MFHAS1: variants seen among roughly 807,000 people sequenced by gnomAD.
MFHAS1 encodes the protein multifunctional ROCO family signaling regulator 1, also known as malignant fibrous histiocytoma-amplified sequence 1.
A neutral mutation model predicts 70.4 loss-of-function variants in MFHAS1; 50 were observed. The ratio of observed to expected loss-of-function variants is 0.71; its 90% CI spans 0.57 to 0.90. The LOEUF is 0.90. Among genes scored for constraint, MFHAS1 ranks in the 40% least tolerant of loss-of-function variants. MFHAS1 has a pLI of 0.00. For synonymous variants in MFHAS1, 952 were observed against 620.0 expected, an observed-to-expected ratio of 1.54 and a Z score of -7.96; for missense variants, 1,795 against 1,347.6, an observed-to-expected ratio of 1.33 and a Z score of -5.20.
chr8:8,880,283 C>T (rs1809467570), intron 1 of MFHAS1, among the ~76,000 whole-genome samples: 1 of 152,224 alleles, frequency 6.6e-6, no homozygotes, highest in Admixed American at 6.5e-5. Flanking sequence ...GGAAGAATGA[C>T]ACCAATGTAT....
At chr8:8,835,318 A>G (rs560489950) in intron 1 of MFHAS1, among the ~76,000 whole-genome samples, 1 of 152,324 alleles carries the variant, frequency 6.6e-6, no homozygotes, top group Admixed American at 6.5e-5. Flanking sequence ...TAGAAATTAA[A>G]TACTGCAAGA....
At chr8:8,827,051 C>T (rs1365207508) in intron 1 of MFHAS1, among the ~76,000 whole-genome samples, 3 of 152,100 alleles carry the variant, frequency 2.0e-5, no homozygotes, top group East Asian at 1.9e-4. Flanking sequence ...ACTGATATCC[C>T]GTATATCTTT....
Position 8,892,344 on chromosome 8 carries a change from G to A in MFHAS1, c.715C>T (p.Leu239Phe). ...CAGAAGCCGGCGGGCAGCGTGCCAA[G>A]CTCGGCCCCACTCAGCCAGAGGATC... ...LKILWLSGAE[L>F]GTLPAGFCEL... is the part of the protein sequence containing the mutation. The change falls in exon 1 of 3, where the codon CTT (leucine) becomes TTT (phenylalanine). Residue 239 changes from leucine to phenylalanine, a missense_variant. Leu to Phe is a conservative substitution (Grantham distance 22, BLOSUM62 0). Coordinates refer to ENST00000276282, the MANE Select transcript of MFHAS1 (RefSeq NM_004225.3). This position sits in a 1 kb window ranked among gnomAD's most constrained non-coding sequence, Gnocchi z 4.7. 1 of 1,612,120 alleles carries A rather than the reference G, an allele frequency of 6.2e-7. No homozygotes were observed. The highest frequency in any genetic ancestry group is 1.3e-5 in the African/African-American group (1 of 75,042).
intron 1 of MFHAS1, among the ~76,000 whole-genome samples, chr8:8,876,658 T>G (rs1357171407): frequency 1.3e-5 from 2 of 151,884 alleles, no homozygotes; most frequent in East Asian, 3.9e-4. Context: ...ATTACAGGTG[T>G]GAGCCACCAC....
At position 8,892,290 on chromosome 8, in the gene MFHAS1, G is replaced by C; in HGVS notation, c.769C>G (p.Leu257Val). ...AGAGCCTGCAGCCCGTTGTTGTCTA[G>C]CATGAGGCTCTCCAAACTGGCCAGC... ...CELASLESLMLDNNGLQALPA... is the reference protein window; with the variant it reads ...CELASLESLMVDNNGLQALPA... The change falls in exon 1 of 3, where the codon CTA (leucine) becomes GTA (valine). Residue 257 changes from leucine to valine, a missense_variant. By Grantham distance (32) the Leu-to-Val change is conservative (BLOSUM62 1). Transcript: ENST00000276282. This position sits in a 1 kb window ranked among gnomAD's most constrained non-coding sequence, Gnocchi z 4.7. 1 of 1,612,654 alleles carries C rather than the reference G, an allele frequency of 6.2e-7. No individual in the cohort carries two copies. Among genetic ancestry groups the C allele is most frequent in the Non-Finnish European group, 8.5e-7 (1 of 1,180,030 alleles).
chr8:8,820,832 T>A (rs1242401991), intron 1 of MFHAS1, among the ~76,000 whole-genome samples: 1 of 152,248 alleles, frequency 6.6e-6, no homozygotes. Context: ...GCCAAAGCTG[T>A]GCTGCCATTT....
chr8:8,883,706 T>TAAAAAAA (rs1563219802), intron 1 of MFHAS1, among the ~76,000 whole-genome samples: 2 of 35,708 alleles, frequency 5.6e-5, no homozygotes, highest in Admixed American at 4.1e-4. Context: ...AGACTCAGTC[T>TAAAAAAA]CAAAAAAAAA....
chr8:8,850,001 C>G (rs1031468146), intron 1 of MFHAS1, among the ~76,000 whole-genome samples: 3 of 152,224 alleles, frequency 2.0e-5, no homozygotes, highest in Admixed American at 1.3e-4. Context: ...AATGAAGCCT[C>G]AGAGAGAGTT....
chr8:8,791,861 G>A (rs768825899), intron 2 of MFHAS1, among the ~76,000 whole-genome samples: 14 of 152,176 alleles, frequency 9.2e-5, no homozygotes, highest in Non-Finnish European at 1.8e-4. Flanking sequence ...CCAGGAAATA[G>A]GGGGCTGGCA....
intron 2 of MFHAS1, among the ~76,000 whole-genome samples, chr8:8,793,454 T>C (rs140175777): frequency 6.6e-6 from 1 of 152,262 alleles, no homozygotes; most frequent in East Asian, 1.9e-4. Context: ...TTAAAAACCA[T>C]CATGAGATCC....
rs145722416 is a variant in MFHAS1 at position 8,821,098 on chromosome 8, T to C, written c.2999-23607A>G. Among the ~76,000 whole-genome samples the C allele has an allele frequency of 2.3e-4, 35 of 152,306 alleles. No homozygotes were observed. The South Asian group carries it at 4.6e-3, about 20-fold the overall frequency. ...GTTCCACATATCTTCCCCCTGCCTGTTCCCAGGGGTCTGCAGGTCCAACGG... is the reference window on the plus strand; with the variant it reads ...GTTCCACATATCTTCCCCCTGCCTGCTCCCAGGGGTCTGCAGGTCCAACGG... On this transcript the variant is annotated intron_variant, in intron 1 of 2. Transcript: ENST00000276282.
At position 8,890,698 on chromosome 8, in the gene MFHAS1, C is replaced by T. The variant is rs1418355333; in HGVS notation, c.2361G>A (p.Gln787=). Residue 787 remains glutamine, a synonymous_variant, in exon 1 of 3, where the codon CAG becomes CAA. Transcript: ENST00000276282. ...CATGCAACAGAAAGCCCTCCACATA[C>T]TGATGGAGCTGGGTGGCCCGGAGCA... ...QELLRATQLH[Q]YVEGFLLHGL... is the part of the protein sequence containing the mutation. 10 of 1,613,490 alleles carry T rather than the reference C, an allele frequency of 6.2e-6. No individual in the cohort carries two copies. The highest frequency in any genetic ancestry group is 1.1e-5 in the South Asian group (1 of 91,038).
In MFHAS1 at chr8:8,892,392, TATCCTC is replaced by T; in HGVS notation, c.661_666del (p.Glu221_Asp222del). On this transcript the variant is annotated inframe_deletion, in exon 1 of 3. Coordinates refer to ENST00000276282, the MANE Select transcript of MFHAS1 (RefSeq NM_004225.3). This position sits in a 1 kb window ranked among gnomAD's most constrained non-coding sequence, Gnocchi z 4.7. Reference sequence around the variant, plus strand: ...ATCTTGAGGGCACGCAGGGCACTGATATCCTCAGGCAGGCCCCGCAGCCGGTTGCTG... The same window carrying T: ...ATCTTGAGGGCACGCAGGGCACTGATAGGCAGGCCCCGCAGCCGGTTGCTG... The T allele has an allele frequency of 6.2e-7, 1 of 1,612,718 alleles. No individual in the cohort carries two copies. The highest frequency in any genetic ancestry group is 8.5e-7 in the Non-Finnish European group (1 of 1,179,816).
At chr8:8,864,476 T>G (rs185483697) in intron 1 of MFHAS1, among the ~76,000 whole-genome samples, 2 of 152,376 alleles carry the variant, frequency 1.3e-5, no homozygotes, top group Non-Finnish European at 2.9e-5. Context: ...TGGACCAAAT[T>G]CATATCCTAA....
intron 1 of MFHAS1, among the ~76,000 whole-genome samples, chr8:8,834,771 A>G (rs1374607211): frequency 6.6e-6 from 1 of 152,236 alleles, no homozygotes; most frequent in African/African-American, 2.4e-5. Context: ...ATAAACCTCC[A>G]AAACATTATG....
chr8:8,881,262 T>C (rs934011910), intron 1 of MFHAS1, among the ~76,000 whole-genome samples: 1 of 152,168 alleles, frequency 6.6e-6, no homozygotes, highest in Non-Finnish European at 1.5e-5. Context: ...GTGCCAAAAA[T>C]AAAAATAACT....
At chr8:8,814,666 A>G (rs992092242) in intron 1 of MFHAS1, among the ~76,000 whole-genome samples, 4 of 152,224 alleles carry the variant, frequency 2.6e-5, no homozygotes, top group Admixed American at 2.0e-4. Context: ...CCAAATATGT[A>G]AAGAACTCTG....
chr8:8,819,866 C>T (rs1355402094), intron 1 of MFHAS1, among the ~76,000 whole-genome samples: 2 of 151,972 alleles, frequency 1.3e-5, no homozygotes, highest in African/African-American at 4.8e-5. Context: ...GCCCAGCTGA[C>T]TTTTTCTATT....
At chr8:8,821,987 C>T (rs1585034718) in intron 1 of MFHAS1, 1 of 152,312 alleles carries the variant, frequency 6.6e-6, no homozygotes, top group Non-Finnish European at 1.5e-5. Flanking sequence ...TGAGTGCACA[C>T]GTCTAAGGGC....
Sources: gnomAD v4.1 joint callset for allele counts (sites outside exome capture counted in the v4.1 genomes callset) on GRCh38, gnomAD v4.1.1 for gene constraint, Gnocchi (gnomAD v3.1) non-coding constraint, MANE v1.5 for transcripts, NCBI Gene and HGNC (gene_info 2026-07-23, HGNC 2026-07-21) for gene names.